The following AGPAT4 variants were observed in gnomAD, a reference collection of about 807,000 sequenced individuals.
AGPAT4 encodes the protein 1-acylglycerol-3-phosphate O-acyltransferase 4, also known as 1-acyl-sn-glycerol-3-phosphate acyltransferase delta.
Under a neutral mutation model 48.0 loss-of-function variants are expected in AGPAT4, and 15 were observed. The ratio of observed to expected loss-of-function variants is 0.31; its 90% CI spans 0.21 to 0.48. The LOEUF (loss-of-function observed/expected upper bound fraction) is 0.48, where lower values mean the gene tolerates loss of function less well. Among genes scored for constraint, AGPAT4 ranks in the 20% least tolerant of loss-of-function variants. AGPAT4 has a pLI of 0.99. For synonymous variants in AGPAT4, 178 were observed against 198.7 expected (o/e 0.90, Z 0.88); for missense variants, 314 against 482.5 (o/e 0.65, Z 3.27).
intron 2 of AGPAT4, among the ~76,000 whole-genome samples, chr6:161,173,270 A>T (rs1169143320): frequency 6.6e-6 from 1 of 152,200 alleles, no homozygotes; most frequent in Admixed American, 6.5e-5. Flanking sequence ...ACAGTGTAAA[A>T]GTGTTCCTAT....
intron 1 of AGPAT4, among the ~76,000 whole-genome samples, chr6:161,253,654 A>AC (rs142155218): frequency 0.17 from 26,058 of 151,838 alleles, 3,552 homozygotes; most frequent in African/African-American, 0.37. Context: ...AATATATTGC[A>AC]CCCCCCAAGA....
intron 1 of AGPAT4, among the ~76,000 whole-genome samples, chr6:161,250,720 T>A (rs947476388): frequency 6.6e-6 from 1 of 152,208 alleles, no homozygotes; most frequent in Admixed American, 6.5e-5. Context: ...CCAAAATATT[T>A]GTAGCTGTTT....
rs1779515838 is a variant in AGPAT4, at chr6:161,149,025, C to T, written c.767+162G>A. ...GAGCTGGGACGGAAGGAGACTTCAGCAGATCATTCCAATAGTAGGATGTGT... is the reference window on the plus strand; with the variant it reads ...GAGCTGGGACGGAAGGAGACTTCAGTAGATCATTCCAATAGTAGGATGTGT... On this transcript the variant is annotated intron_variant, in intron 6 of 8. Coordinates refer to ENST00000320285, the MANE Select transcript of AGPAT4 (RefSeq NM_020133.3). This position sits in a 1 kb window ranked among gnomAD's most constrained non-coding sequence, Gnocchi z 6.5. 1.7e-6 allele frequency: 1 copy of T among 575,674 alleles called. No homozygotes were observed. Among genetic ancestry groups the T allele is most frequent in the South Asian group, 7.6e-5 (1 of 13,166 alleles). 35.7% of individuals were successfully genotyped at this position (575,674 alleles called of 1,614,324 possible). A position where few individuals can be genotyped will look rare whatever the true frequency, so the allele number is the denominator to read the frequency against.
chr6:161,173,742 T>TAA (rs1780346915), intron 2 of AGPAT4, among the ~76,000 whole-genome samples: 1 of 152,234 alleles, frequency 6.6e-6, no homozygotes, highest in Non-Finnish European at 1.5e-5. Context: ...CTGAATGGTA[T>TAA]TGCCTAGGTT....
Position 161,236,762 on chromosome 6 carries a change from TGTG to T in AGPAT4, c.-89-4463_-89-4461del, listed in dbSNP as rs1017479411. Among the ~76,000 whole-genome samples the T allele has an allele frequency of 1.3e-5, 2 of 148,640 alleles. No individual in the cohort carries two copies. Among genetic ancestry groups the T allele is most frequent in the African/African-American group, 4.9e-5 (2 of 40,570 alleles). On this transcript the variant is annotated intron_variant, in intron 1 of 8. Coordinates refer to ENST00000320285, the MANE Select transcript of AGPAT4 (RefSeq NM_020133.3). The surrounding 1 kb of genome is among the most constrained non-coding windows in gnomAD (Gnocchi z 5.0). ...ATACAAAAAAAAAAAAATAGCTGGA[TGTG>T]GTGGTGGGTGTCTGTAATCCCAGCT...
At chr6:161,265,663 A>G (rs111480992) in intron 1 of AGPAT4, among the ~76,000 whole-genome samples, 125 of 152,138 alleles carry the variant, frequency 8.2e-4, no homozygotes, top group African/African-American at 2.8e-3. Context: ...TTCACTCCAG[A>G]GAGGTTTGGA....
At chr6:161,213,336 T>C (rs148308335) in intron 2 of AGPAT4, among the ~76,000 whole-genome samples, 3 of 152,374 alleles carry the variant, frequency 2.0e-5, no homozygotes, top group African/African-American at 4.8e-5. Context: ...TACCATGATT[T>C]GTCTTTAGTA....
chr6:161,176,489 C>T (rs541789477), intron 2 of AGPAT4, among the ~76,000 whole-genome samples: 9 of 152,272 alleles, frequency 5.9e-5, no homozygotes, highest in African/African-American at 2.2e-4. Context: ...TTTCCACTTG[C>T]TTGGTAGATC....
At position 161,251,491 on chromosome 6, in the gene AGPAT4, C is replaced by G. The variant is rs756132198; in HGVS notation, c.-89-19189G>C. ...GGGCTCCACCAAGCTTGTGTGCCCCCAGCTCTTTCCTTGGCCTTGCTCTCT... is the reference window on the plus strand; with the variant it reads ...GGGCTCCACCAAGCTTGTGTGCCCCGAGCTCTTTCCTTGGCCTTGCTCTCT... On this transcript the variant is annotated intron_variant, in intron 1 of 8. Coordinates refer to ENST00000320285, the MANE Select transcript of AGPAT4 (RefSeq NM_020133.3). The surrounding 1 kb of genome is among the most constrained non-coding windows in gnomAD (Gnocchi z 4.6). Among the ~76,000 whole-genome samples the G allele has an allele frequency of 6.6e-6, 1 of 152,240 alleles. No individual in the cohort carries two copies. The highest frequency in any genetic ancestry group is 1.5e-5 in the Non-Finnish European group (1 of 68,046).
Position 161,148,578 on chromosome 6 carries a change from G to A in AGPAT4, c.767+609C>T, listed in dbSNP as rs893050107. The stretch of plus-strand genomic sequence containing the variant: ...GATCCACAGCACAACAAACCAATAC[G>A]GTCCCTGACCCGTCACACTGGGTTT... On this transcript the variant is annotated intron_variant, in intron 6 of 8. Coordinates refer to ENST00000320285, the MANE Select transcript of AGPAT4 (RefSeq NM_020133.3). The surrounding 1 kb of genome is among the most constrained non-coding windows in gnomAD (Gnocchi z 5.5). Among the ~76,000 whole-genome samples the A allele has an allele frequency of 2.2e-4, 34 of 152,092 alleles. No individual in the cohort carries two copies. The highest frequency in any genetic ancestry group is 7.2e-4 in the African/African-American group (30 of 41,434).
rs1176597106 is a variant in AGPAT4, at chr6:161,219,822, CAGAGATAG to C, written c.178+12206_178+12213del. Among the ~76,000 whole-genome samples the C allele has an allele frequency of 5.6e-5, 6 of 106,242 alleles. No homozygotes were observed. In the South Asian group the frequency reaches 9.8e-4, roughly 17 times the overall value. 69.7% of individuals were successfully genotyped at this position (106,242 alleles called of 152,430 possible). ...ACAGATTCACAGTAAAAAAGATAGA[CAGAGATAG>C]ATAGATAGATAGATAGATAGATAGA... On this transcript the variant is annotated intron_variant, in intron 2 of 8. Transcript: ENST00000320285. This position sits in a 1 kb window ranked among gnomAD's most constrained non-coding sequence, Gnocchi z 4.9.
Position 161,155,367 on chromosome 6 carries a change from G to A in AGPAT4, c.349-1057C>T, listed in dbSNP as rs553587278. ...GATGACTGATCAATGGGATATCAGCGGTCAGGGCAGCCCTAAACCTAGGAT... is the reference window on the plus strand; with the variant it reads ...GATGACTGATCAATGGGATATCAGCAGTCAGGGCAGCCCTAAACCTAGGAT... On this transcript the variant is annotated intron_variant, in intron 3 of 8. Transcript: ENST00000320285. This position sits in a 1 kb window ranked among gnomAD's most constrained non-coding sequence, Gnocchi z 5.8. 1.2e-4 allele frequency among the ~76,000 whole-genome samples: 19 copies of A among 152,250 alleles called. No homozygotes were observed. The highest frequency in any genetic ancestry group is 1.9e-4 in the East Asian group (1 of 5,184).
chr6:161,203,492 G>A (rs1464172183), intron 2 of AGPAT4, among the ~76,000 whole-genome samples: 3 of 149,506 alleles, frequency 2.0e-5, no homozygotes, highest in Non-Finnish European at 3.0e-5. Flanking sequence ...GGGTTCAAGC[G>A]ATTCTCCTGC....
At position 161,249,962 on chromosome 6, in the gene AGPAT4, A is replaced by G. The variant is rs916124177; in HGVS notation, c.-89-17660T>C. On this transcript the variant is annotated intron_variant, in intron 1 of 8. Coordinates refer to ENST00000320285, the MANE Select transcript of AGPAT4 (RefSeq NM_020133.3). This position sits in a 1 kb window ranked among gnomAD's most constrained non-coding sequence, Gnocchi z 6.2. Reference sequence around the variant, plus strand: ...ATCAACCTCAATGCCCATCAATAGTAGACTGGATAAAGGAAATGTGGTACA... The same window carrying G: ...ATCAACCTCAATGCCCATCAATAGTGGACTGGATAAAGGAAATGTGGTACA... Among the ~76,000 whole-genome samples the G allele has an allele frequency of 1.3e-5, 2 of 152,242 alleles. No homozygotes were observed. Among genetic ancestry groups the G allele is most frequent in the Admixed American group, 1.3e-4 (2 of 15,290 alleles).
Position 161,242,099 on chromosome 6 carries a change from A to G in AGPAT4, c.-89-9797T>C, listed in dbSNP as rs1782510551. The stretch of plus-strand genomic sequence containing the variant: ...AACCAGTGCAGCAGCATCAGTATAA[A>G]AAATGTTTAGCATATATTATCCCAT... On this transcript the variant is annotated intron_variant, in intron 1 of 8. Transcript: ENST00000320285. The surrounding 1 kb of genome is among the most constrained non-coding windows in gnomAD (Gnocchi z 5.0). Among the ~76,000 whole-genome samples, 1 of 152,212 alleles carries G rather than the reference A, an allele frequency of 6.6e-6. No individual in the cohort carries two copies.
In AGPAT4 at chr6:161,266,720, G is replaced by A. The variant is rs375640138; in HGVS notation, c.-90+7218C>T. 4.6e-5 allele frequency among the ~76,000 whole-genome samples: 7 copies of A among 152,320 alleles called. No homozygotes were observed. In the South Asian group the frequency reaches 1.0e-3, roughly 23 times the overall value. On this transcript the variant is annotated intron_variant, in intron 1 of 8. Transcript: ENST00000320285. This position sits in a 1 kb window ranked among gnomAD's most constrained non-coding sequence, Gnocchi z 6.2. Reference sequence around the variant, plus strand: ...CCTGATGACTTACTCCTGGGACGCAGGACACAGTCTGAGATGATTGCATTG... The same window carrying A: ...CCTGATGACTTACTCCTGGGACGCAAGACACAGTCTGAGATGATTGCATTG...
At chr6:161,199,844 T>C (rs938414526) in intron 2 of AGPAT4, among the ~76,000 whole-genome samples, 1 of 152,094 alleles carries the variant, frequency 6.6e-6, no homozygotes, top group African/African-American at 2.4e-5. Flanking sequence ...GTACCGTGAG[T>C]TGATTAAACC....
chr6:161,154,121 G>A lies in AGPAT4; in HGVS notation c.510+28C>T, dbSNP rs376107888. Reference sequence around the variant, plus strand: ...GGTCACAGTCCTGCAGGAGCCCTTGGGACACAGCTGCTCTGGTGCCTACAT... The same window carrying A: ...GGTCACAGTCCTGCAGGAGCCCTTGAGACACAGCTGCTCTGGTGCCTACAT... On this transcript the variant is annotated intron_variant, in intron 4 of 8. Transcript: ENST00000320285. The surrounding 1 kb of genome is among the most constrained non-coding windows in gnomAD (Gnocchi z 7.8). 7 of 1,613,658 alleles carry A rather than the reference G, an allele frequency of 4.3e-6. No homozygotes were observed. Among genetic ancestry groups the A allele is most frequent in the Non-Finnish European group, 5.9e-6 (7 of 1,179,984 alleles).
At chr6:161,188,990 T>C (rs1260813684) in intron 2 of AGPAT4, among the ~76,000 whole-genome samples, 1 of 152,230 alleles carries the variant, frequency 6.6e-6, no homozygotes, top group African/African-American at 2.4e-5. Flanking sequence ...TCAGTCCTCT[T>C]GCTTTGCTGG....
Sources: allele counts gnomAD v4.1 joint callset (sites outside exome capture counted in the v4.1 genomes callset), GRCh38; gene constraint gnomAD v4.1.1; non-coding constraint Gnocchi (gnomAD v3.1); transcripts MANE v1.5; gene names NCBI Gene and HGNC (gene_info 2026-07-23, HGNC 2026-07-21).